Variants in PARP10 observed in about 807,000 individuals in gnomAD.
PARP10 encodes protein mono-ADP-ribosyltransferase PARP10.
PARP10 carries 56 observed loss-of-function variants against 82.4 expected under a neutral mutation model. That is an observed-to-expected ratio of 0.68 (90% CI 0.55 to 0.85). The LOEUF (loss-of-function observed/expected upper bound fraction) is 0.85. Ranked by LOEUF, PARP10 falls within the 40% of genes least tolerant of loss-of-function variation. PARP10 has a pLI of 0.00. For synonymous variants in PARP10, 576 were observed against 601.1 expected (o/e 0.96, Z 0.61); for missense variants, 1,227 against 1,379.4 (o/e 0.89, Z 1.75).
chr8:144,012,295 G>A, intron 1 of PARP10: 1 of 564,676 alleles, frequency 1.8e-6, no homozygotes, highest in African/African-American at 1.9e-5. Context: ...CCAGGCCGAG[G>A]CAAGGCCTGT....
In PARP10 at chr8:143,983,596, C is replaced by G. The variant is rs149107466; in HGVS notation, c.1993G>C (p.Glu665Gln). ...TGCTCAGCCACCTGACCTTGAGGCT[C>G]CAGTGACCGGTGGAGGGCCAGCTGC... ...ALQLALHRSL[E>Q]PQGQVAEQEE... The change falls in exon 8 of 11, where the codon GAG becomes CAG. Residue 665 changes from glutamate (E) to glutamine (Q), a missense_variant. Coordinates refer to ENST00000313028, the MANE Select transcript of PARP10 (RefSeq NM_032789.5). 2.5e-5 allele frequency: 40 copies of G among 1,605,002 alleles called. No individual in the cohort carries two copies. In the African/African-American group the frequency reaches 3.6e-4, roughly 14 times the overall value.
upstream of PARP10, among the ~76,000 whole-genome samples, chr8:143,989,125 T>TG (rs1834047930): frequency 1.3e-5 from 2 of 152,196 alleles, no homozygotes; most frequent in Admixed American, 1.3e-4. The surrounding 1 kb of genome is among the most constrained non-coding windows in gnomAD (Gnocchi z 4.3). Context: ...GCACCATAGG[T>TG]GCAGGACTCA....
At chr8:143,992,905 G>T, upstream of PARP10, 7 of 1,416,414 alleles carry the variant, frequency 4.9e-6, no homozygotes, top group East Asian at 2.3e-5. Flanking sequence ...CCCCTGGCAC[G>T]GCAGTGCCAG....
rs74677817 is a variant in PARP10 at position 143,984,230 on chromosome 8, A to T, written c.1660T>A (p.Leu554Met). 6.2e-7 allele frequency: 1 copy of T among 1,613,898 alleles called. No individual in the cohort carries two copies. The change falls in exon 6 of 11, where the codon TTG (leucine) becomes ATG (methionine). Residue 554 changes from leucine to methionine, a missense_variant. Leu to Met is a conservative substitution (Grantham distance 15). Transcript: ENST00000313028. ...TCTACCTCTTCAAGGCCTGTGTCCAACGTGGCTGTGGCCAGGCGCTCTGTC... is the reference window on the plus strand; with the variant it reads ...TCTACCTCTTCAAGGCCTGTGTCCATCGTGGCTGTGGCCAGGCGCTCTGTC... ...FGTERLATAT[L>M]DTGLEEVDPT...
upstream of PARP10, chr8:143,986,539 C>A: frequency 1.1e-6 from 1 of 883,456 alleles, no homozygotes; most frequent in Non-Finnish European, 1.8e-6. Flanking sequence ...CAGATGCTTC[C>A]TCTCCTGCTG....
chr8:144,001,059 G>A (rs1424089451), intron 1 of PARP10, among the ~76,000 whole-genome samples: 7 of 151,660 alleles, frequency 4.6e-5, no homozygotes, highest in African/African-American at 9.7e-5. Flanking sequence ...GACTACAGGC[G>A]CCTGCCACCA....
chr8:144,011,320 A>G lies in PARP10; in HGVS notation c.-80+1210T>C, dbSNP rs929343977. Among the ~76,000 whole-genome samples the G allele has an allele frequency of 6.6e-6, 1 of 151,830 alleles. No individual in the cohort carries two copies. The highest frequency in any genetic ancestry group is 1.5e-5 in the Non-Finnish European group (1 of 67,980). On this transcript the variant is annotated intron_variant, in intron 1 of 3. Coordinates refer to the PARP10 transcript ENST00000530478. This position sits in a 1 kb window ranked among gnomAD's most constrained non-coding sequence, Gnocchi z 4.5. ...TGGGGGCTCTGGTCCCTGGGGCCAG[A>G]GTGACTGAGCCAGGATTACAGTCTG...
intron 1 of PARP10, among the ~76,000 whole-genome samples, chr8:144,004,970 G>A (rs1229102493): frequency 6.6e-6 from 1 of 152,168 alleles, no homozygotes; most frequent in Non-Finnish European, 1.5e-5. Flanking sequence ...CTTGAGGTCA[G>A]GAGTTCGAGA....
chr8:143,980,319 C>CAAA (rs564801582), intron 9 of PARP10, among the ~76,000 whole-genome samples: 210 of 16,054 alleles, frequency 0.013, 24 homozygotes, highest in Non-Finnish European at 0.022. Flanking sequence ...GATTCCGTCT[C>CAAA]AAAAAAAAAA....
intron 9 of PARP10, 95 bp downstream of exon 9, chr8:143,982,837 T>C (rs782236309): frequency 4.0e-5 from 62 of 1,538,116 alleles, no homozygotes; most frequent in Non-Finnish European, 5.3e-5. Context: ...CTGACCTTGA[T>C]GTAGGCGAGA....
rs564801582 is a variant in PARP10 at position 143,980,319 on chromosome 8, C to CAAAA, written c.2557-2242_2557-2239dup. ...TGGGCTACTGAGTGAGATTCCGTCT[C>CAAAA]AAAAAAAAAAAAAAAAAAAAAAAAA... is the stretch of plus-strand genomic sequence containing the variant. On this transcript the variant is annotated intron_variant, in intron 9 of 10. Transcript: ENST00000313028. Among the ~76,000 whole-genome samples the CAAAA allele has an allele frequency of 3.9e-3, 62 of 16,070 alleles. 6 individuals are homozygous for CAAAA. Among genetic ancestry groups the CAAAA allele is most frequent in the East Asian group, 8.1e-3 (2 of 246 alleles). 10.5% of individuals were successfully genotyped at this position (16,070 alleles called of 152,430 possible). A position where few individuals can be genotyped will look rare whatever the true frequency, so the allele number is the denominator to read the frequency against.
chr8:143,995,835 G>C (rs1834160641), upstream of PARP10, among the ~76,000 whole-genome samples: 2 of 152,192 alleles, frequency 1.3e-5, no homozygotes, highest in Non-Finnish European at 2.9e-5. Flanking sequence ...TCTGAACACA[G>C]ACAAAACATG....
rs200484193 is a variant in PARP10 at position 143,977,549 on chromosome 8, C to T, written c.3013G>A (p.Glu1005Lys). The change falls in exon 11 of 11, where the codon GAG becomes AAG. Residue 1005 changes from glutamate (E) to lysine (K), a missense_variant. Glu to Lys is a moderately conservative substitution (Grantham distance 56, BLOSUM62 1). Transcript: ENST00000313028. ...QALPTHLITC[E>K]HVPRASPDDP... The stretch of plus-strand genomic sequence containing the variant: ...TCGGGGGAAGCGCGGGGCACGTGCT[C>T]GCAGGTGATGAGGTGGGTGGGCAGC... 1.6e-4 allele frequency: 252 copies of T among 1,567,156 alleles called. 3 individuals are homozygous for T. The highest frequency in any genetic ancestry group is 1.1e-3 in the East Asian group (47 of 42,198).
intron 1 of PARP10, among the ~76,000 whole-genome samples, chr8:144,001,830 C>G (rs1834205205): frequency 6.6e-6 from 1 of 151,546 alleles, no homozygotes; most frequent in African/African-American, 2.4e-5. Context: ...GAGTTGGAGA[C>G]CAGCCTGGAC....
chr8:143,994,425 T>C (rs1047529211), upstream of PARP10, among the ~76,000 whole-genome samples: 3 of 152,042 alleles, frequency 2.0e-5, no homozygotes, highest in Non-Finnish European at 4.4e-5. Flanking sequence ...TTCTGAAACA[T>C]CAATCACATC....
Position 143,985,107 on chromosome 8 carries a change from C to G in PARP10, c.895G>C (p.Glu299Gln). The G allele has an allele frequency of 1.2e-6, 2 of 1,613,952 alleles. No individual in the cohort carries two copies. Among genetic ancestry groups the G allele is most frequent in the Non-Finnish European group, 1.7e-6 (2 of 1,179,982 alleles). ...GAGTVTMGSG[E>Q]EPGQSGASLR... ...GAGGCCCCTGACTGCCCTGGTTCCT[C>G]GCCAGAGCCCATTGTCACAGTCCCT... The change falls in exon 5 of 11, where the codon GAG becomes CAG. Residue 299 changes from glutamate to glutamine, a missense_variant. Glu to Gln is a conservative substitution (Grantham distance 29, BLOSUM62 2). Transcript: ENST00000313028.
In PARP10 at chr8:143,977,165, G is replaced by C. The variant is rs1833704371; in HGVS notation, c.*319C>G. On this transcript the variant is annotated 3_prime_UTR_variant, in exon 11 of 11. Transcript: ENST00000313028. The stretch of plus-strand genomic sequence containing the variant: ...CAGAGGTCGCAGTCAGAGTTCCCGG[G>C]TCCCTTCCGCCTGGGTTCACGTTCA... 2 of 351,390 alleles carry C rather than the reference G, an allele frequency of 5.7e-6. No homozygotes were observed. The highest frequency in any genetic ancestry group is 2.2e-5 in the African/African-American group (1 of 46,468). 21.8% of individuals were successfully genotyped at this position (351,390 alleles called of 1,614,324 possible).
Position 143,977,677 on chromosome 8 carries a change from G to C in PARP10, c.2885C>G (p.Ala962Gly). 6.3e-7 allele frequency: 1 copy of C among 1,593,312 alleles called. No homozygotes were observed. Among genetic ancestry groups the C allele is most frequent in the Non-Finnish European group, 8.5e-7 (1 of 1,170,796 alleles). Reference sequence around the variant, plus strand: ...GTGGCCAGGACCCCGCAGAGGGGGCGCCCGCAGACCGCGGCGGCCCTGCCC... The same window carrying C: ...GTGGCCAGGACCCCGCAGAGGGGGCCCCCGCAGACCGCGGCGGCCCTGCCC... ...DYGQGRRGLR[A>G]PPLRGPGHVL... The change falls in exon 11 of 11, where the codon GCG becomes GGG. Residue 962 changes from alanine to glycine, a missense_variant. Coordinates refer to ENST00000313028, the MANE Select transcript of PARP10 (RefSeq NM_032789.5).
intron 1 of PARP10, among the ~76,000 whole-genome samples, chr8:143,999,181 A>G (rs1834182864): frequency 6.6e-6 from 1 of 151,962 alleles, no homozygotes; most frequent in Non-Finnish European, 1.5e-5. Flanking sequence ...CTAGGACCAC[A>G]GGCGCTCACT....
Sources: gnomAD v4.1 joint callset for allele counts (sites outside exome capture counted in the v4.1 genomes callset) on GRCh38, gnomAD v4.1.1 for gene constraint, Gnocchi (gnomAD v3.1) non-coding constraint, MANE v1.5 for transcripts, NCBI Gene and HGNC (gene_info 2026-07-23, HGNC 2026-07-21) for gene names.